Variants in KCNIP2 observed in about 807,000 individuals in gnomAD.
KCNIP2 encodes A-type potassium channel modulatory protein KCNIP2.
Under a neutral mutation model 39.0 loss-of-function variants are expected in KCNIP2, and 19 were observed. That is an observed-to-expected ratio of 0.49 (90% confidence interval 0.34 to 0.71). The LOEUF is 0.71. Ranked by LOEUF, KCNIP2 falls within the 30% of genes least tolerant of loss-of-function variation. KCNIP2 has a pLI of 0.01. For synonymous variants in KCNIP2, 111 were observed against 131.2 expected, an observed-to-expected ratio of 0.85 and a Z score of 1.05; for missense variants, 261 against 346.0, an observed-to-expected ratio of 0.75 and a Z score of 1.95.
Position 101,826,594 on chromosome 10 carries a change from A to G in KCNIP2, c.*759T>C. ...CACCACAACCACCACCAACACATGC[A>G]GGAAGGAAGGAGAGGAAGCAATGCC... is the stretch of plus-strand genomic sequence containing the variant. On this transcript the variant is annotated 3_prime_UTR_variant, in exon 10 of 10. Transcript: ENST00000356640. The G allele has an allele frequency of 6.6e-6, 1 of 152,470 alleles. No homozygotes were observed. 9.4% of individuals were successfully genotyped at this position (152,470 alleles called of 1,614,324 possible).
Position 101,843,669 on chromosome 10 carries a change from G to T in KCNIP2, c.-101C>A. On this transcript the variant is annotated 5_prime_UTR_variant, in exon 1 of 10. Coordinates refer to ENST00000356640, the MANE Select transcript of KCNIP2 (RefSeq NM_173191.3). The surrounding 1 kb of genome is among the most constrained non-coding windows in gnomAD (Gnocchi z 6.7). ...CCCCCTGGCGGCCTACTGTGCTGTC[G>T]GGGCTGGGGAAGTCCGGGCTGAGGC... 1 of 590,210 alleles carries T rather than the reference G, an allele frequency of 1.7e-6. No individual in the cohort carries two copies. The highest frequency in any genetic ancestry group is 3.0e-5 in the South Asian group (1 of 32,876). 36.6% of individuals were successfully genotyped at this position (590,210 alleles called of 1,614,324 possible).
At chr10:101,830,709 ACG>A (rs1388970510) in intron 2 of KCNIP2, among the ~76,000 whole-genome samples, 2 of 144,486 alleles carry the variant, frequency 1.4e-5, no homozygotes, top group East Asian at 2.2e-4. Context: ...ACACACACAC[ACG>A]CACGCAGGCC....
chr10:101,839,825 G>A (rs1261941405), intron 1 of KCNIP2: 4 of 1,609,406 alleles, frequency 2.5e-6, no homozygotes, highest in South Asian at 1.1e-5. Flanking sequence ...CGGCACCTGC[G>A]GGGGCATCGG....
chr10:101,831,955 C>T (rs2066005678), intron 1 of KCNIP2, among the ~76,000 whole-genome samples: 1 of 152,210 alleles, frequency 6.6e-6, no homozygotes, highest in African/African-American at 2.4e-5. Flanking sequence ...ATACCTCACC[C>T]ACAGAGGCTT....
chr10:101,827,087 G>A lies in KCNIP2; in HGVS notation c.*266C>T. ...GGTGGGGAACCGCTCAATTCCTACA[G>A]GAGGGGCACTCTCAACACTGGGTGT... On this transcript the variant is annotated 3_prime_UTR_variant, in exon 10 of 10. Coordinates refer to ENST00000356640, the MANE Select transcript of KCNIP2 (RefSeq NM_173191.3). 1.5e-6 allele frequency: 1 copy of A among 645,514 alleles called. No individual in the cohort carries two copies. 40.0% of individuals were successfully genotyped at this position (645,514 alleles called of 1,614,324 possible).
chr10:101,842,414 C>T (rs966276592), intron 1 of KCNIP2, among the ~76,000 whole-genome samples: 9 of 152,248 alleles, frequency 5.9e-5, no homozygotes, highest in African/African-American at 1.7e-4. Flanking sequence ...CAGGACACCA[C>T]ATGGCACTTC....
chr10:101,840,556 C>G (rs1192444515), intron 1 of KCNIP2, among the ~76,000 whole-genome samples: 2 of 144,068 alleles, frequency 1.4e-5, no homozygotes, highest in Admixed American at 6.9e-5. Context: ...CCGCACCCCC[C>G]CCCCACTTCG....
Position 101,827,213 on chromosome 10 carries a change from G to A in KCNIP2, c.*140C>T. 2 of 1,372,440 alleles carry A rather than the reference G, an allele frequency of 1.5e-6. No individual in the cohort carries two copies. Among genetic ancestry groups the A allele is most frequent in the Non-Finnish European group, 1.9e-6 (2 of 1,060,772 alleles). 85.0% of individuals were successfully genotyped at this position (1,372,440 alleles called of 1,614,324 possible). ...TTCAGCTCCAGAGATCTGGACTACT[G>A]AATCCCCAAGCTCTTGGATCCCTCC... On this transcript the variant is annotated 3_prime_UTR_variant, in exon 10 of 10. Transcript: ENST00000356640.
intron 2 of KCNIP2, among the ~76,000 whole-genome samples, chr10:101,830,681 CCACACACA>C (rs61337190): frequency 0.037 from 5,355 of 145,254 alleles, 108 homozygotes; most frequent in African/African-American, 0.057. Flanking sequence ...CTGGTCACGC[CCACACACA>C]CACACACACA....
chr10:101,833,071 T>C (rs1435835085), intron 1 of KCNIP2, among the ~76,000 whole-genome samples: 4 of 151,430 alleles, frequency 2.6e-5, no homozygotes, highest in Non-Finnish European at 5.9e-5. Context: ...GAGCAGGCAA[T>C]TCATGCACCT....
At position 101,829,149 on chromosome 10, in the gene KCNIP2, C is replaced by G. The variant is rs771698676; in HGVS notation, c.274G>C (p.Gly92Arg). Residue 92 changes from glycine (G) to arginine (R), a missense_variant, in exon 4 of 10, where the codon GGT becomes CGT. Gly to Arg is a moderately radical substitution (Grantham distance 125). Coordinates refer to ENST00000356640, the MANE Select transcript of KCNIP2 (RefSeq NM_173191.3). Reference protein sequence around the residue: ...ELSTVCHRPEGLEQLQEQTKF... With the variant: ...ELSTVCHRPERLEQLQEQTKF... ...GTTTGCTCCTGCAGCTGCTCCAGAC[C>G]CTCAGGCCGGTGACACACGGTGGAC... 2.5e-6 allele frequency: 4 copies of G among 1,614,176 alleles called. No homozygotes were observed. The highest frequency in any genetic ancestry group is 2.5e-6 in the Non-Finnish European group (3 of 1,180,026).
rs1275650170 is a variant in KCNIP2, at chr10:101,843,523, G to C, written c.46C>G (p.Leu16Val). 4.4e-6 allele frequency: 7 copies of C among 1,582,386 alleles called. No individual in the cohort carries two copies. Among genetic ancestry groups the C allele is most frequent in the Non-Finnish European group, 6.0e-6 (7 of 1,165,996 alleles). The change falls in exon 1 of 10, where the codon CTG (leucine) becomes GTG (valine). Residue 16 changes from leucine (L) to valine (V), a missense_variant. Physicochemically the swap from Leu to Val is conservative, Grantham distance 32. Coordinates refer to ENST00000356640, the MANE Select transcript of KCNIP2 (RefSeq NM_173191.3). The surrounding 1 kb of genome is among the most constrained non-coding windows in gnomAD (Gnocchi z 6.7). ...RKESLSDSRDLDGSYDQLTGH... is the reference protein window; with the variant it reads ...RKESLSDSRDVDGSYDQLTGH... ...GTGAGCTGGTCGTAGGAGCCGTCCA[G>C]GTCTCGGGAATCGGACAAACTCTCC...
At chr10:101,829,368 T>C in intron 3 of KCNIP2, 169 bp from the exon 4 acceptor site, 5 of 832,494 alleles carry the variant, frequency 6.0e-6, no homozygotes, top group Non-Finnish European at 8.8e-6. Context: ...GGAGAAAAGA[T>C]GATGGCCATC....
chr10:101,841,375 C>T (rs562911078), intron 1 of KCNIP2, among the ~76,000 whole-genome samples: 10 of 152,338 alleles, frequency 6.6e-5, no homozygotes, highest in African/African-American at 2.2e-4. Flanking sequence ...TTAGGCATCT[C>T]TCAGCGCTCA....
chr10:101,841,026 C>T (rs2066318565), intron 1 of KCNIP2, among the ~76,000 whole-genome samples: 1 of 152,270 alleles, frequency 6.6e-6, no homozygotes, highest in African/African-American at 2.4e-5. Context: ...CGGAACCGCA[C>T]TGCCCAGCGG....
chr10:101,842,267 A>T (rs1479069376), intron 1 of KCNIP2, among the ~76,000 whole-genome samples: 1 of 152,244 alleles, frequency 6.6e-6, no homozygotes, highest in Non-Finnish European at 1.5e-5. Flanking sequence ...ACCCAGGGTG[A>T]CACAGTCACC....
chr10:101,843,401 G>T lies in KCNIP2; in HGVS notation c.73+95C>A, dbSNP rs1486654892. 9.4e-6 allele frequency: 7 copies of T among 744,042 alleles called. No homozygotes were observed. The highest frequency in any genetic ancestry group is 1.2e-5 in the Non-Finnish European group (6 of 506,848). The allele number at this position is 744,042 out of a possible 1,614,324, so 46.1% of individuals were successfully genotyped here. A position where few individuals can be genotyped will look rare whatever the true frequency, so the allele number is the denominator to read the frequency against. ...TAAGAGTGCCTGGGAATGGGGCAGAGTGTGGGTGCGGGCCAGGCCGGGGTC... is the reference window on the plus strand; with the variant it reads ...TAAGAGTGCCTGGGAATGGGGCAGATTGTGGGTGCGGGCCAGGCCGGGGTC... On this transcript the variant is annotated intron_variant, in intron 1 of 9. Transcript: ENST00000356640. This position sits in a 1 kb window ranked among gnomAD's most constrained non-coding sequence, Gnocchi z 6.7.
At position 101,827,168 on chromosome 10, in the gene KCNIP2, T is replaced by C; in HGVS notation, c.*185A>G. 1 of 1,306,576 alleles carries C rather than the reference T, an allele frequency of 7.7e-7. No homozygotes were observed. Among genetic ancestry groups the C allele is most frequent in the Non-Finnish European group, 9.8e-7 (1 of 1,023,748 alleles). 80.9% of individuals were successfully genotyped at this position (1,306,576 alleles called of 1,614,324 possible). A position where few individuals can be genotyped will look rare whatever the true frequency, so the allele number is the denominator to read the frequency against. On this transcript the variant is annotated 3_prime_UTR_variant, in exon 10 of 10. Coordinates refer to ENST00000356640, the MANE Select transcript of KCNIP2 (RefSeq NM_173191.3). ...GTTGGGAACACCCCCCGAGATGCAC[T>C]CTGCCCACTCTCTGGCCCCTTCAGC...
At chr10:101,839,769 A>G (rs778970840) in intron 1 of KCNIP2, 1 of 1,612,618 alleles carries the variant, frequency 6.2e-7, no homozygotes, top group Non-Finnish European at 8.5e-7. Context: ...ACAGCGACCC[A>G]GTCACCAGCT....
Sources: allele counts gnomAD v4.1 joint callset (sites outside exome capture counted in the v4.1 genomes callset), GRCh38; gene constraint gnomAD v4.1.1; non-coding constraint Gnocchi (gnomAD v3.1); transcripts MANE v1.5; gene names NCBI Gene and HGNC (gene_info 2026-07-23, HGNC 2026-07-21).